The following HROB variants were observed in gnomAD, a reference collection of about 807,000 sequenced individuals.
The protein encoded by HROB is homologous recombination factor with OB-fold.
Under a neutral mutation model 61.0 loss-of-function variants are expected in HROB, and 44 were observed. The ratio of observed to expected loss-of-function variants is 0.72; its 90% CI spans 0.57 to 0.93. The LOEUF (loss-of-function observed/expected upper bound fraction) is 0.93. Ranked by LOEUF, HROB falls within the 40% of genes least tolerant of loss-of-function variation. The pLI is 0.00. For missense variants in HROB, 716 were observed against 796.2 expected (o/e 0.90, Z 1.21); for synonymous variants, 301 against 310.4 (o/e 0.97, Z 0.32).
chr17:44,150,718 C>T (rs1598095235), intron 3 of HROB, among the ~76,000 whole-genome samples: 2 of 152,308 alleles, frequency 1.3e-5, no homozygotes, highest in South Asian at 2.1e-4. Context: ...TCACTGCCCC[C>T]TTCAGGCAGC....
chr17:44,154,969 C>T (rs1598103410), intron 7 of HROB, 31 bp downstream of exon 7: 1 of 1,602,500 alleles, frequency 6.2e-7, no homozygotes, highest in Non-Finnish European at 8.5e-7. Context: ...CACCACTGCC[C>T]CCCGGATAGA....
At chr17:44,147,489 T>C (rs1266718709) in intron 2 of HROB, among the ~76,000 whole-genome samples, 10 of 146,486 alleles carry the variant, frequency 6.8e-5, no homozygotes, top group Non-Finnish European at 1.2e-4. Flanking sequence ...CAGGCTGGAG[T>C]ACAGTGGCAC....
rs2053706638 is a variant in HROB at position 44,148,863 on chromosome 17, G to T, written c.1060G>T (p.Gly354Cys). The change falls in exon 3 of 10, where the codon GGT (glycine) becomes TGT (cysteine). Residue 354 changes from glycine (G) to cysteine (C), a missense_variant. Coordinates refer to ENST00000585683, the MANE Select transcript of HROB (RefSeq NM_001171251.3). The part of the protein sequence containing the change: ...APVSSIGSPV[G>C]TPKGPQGALQ... ...AGTGTCTTCCATTGGGTCTCCTGTT[G>T]GTACCCCAAAAGGTCCCCAGGGAGC... 4 of 1,614,012 alleles carry T rather than the reference G, an allele frequency of 2.5e-6. No homozygotes were observed. The highest frequency in any genetic ancestry group is 3.4e-6 in the Non-Finnish European group (4 of 1,180,036).
At chr17:44,144,401 A>G (rs2053551402) in intron 1 of HROB, among the ~76,000 whole-genome samples, 1 of 151,984 alleles carries the variant, frequency 6.6e-6, no homozygotes, top group East Asian at 1.9e-4. Flanking sequence ...TCAACCTCCC[A>G]AAGTTCTGAG....
Position 44,141,996 on chromosome 17 carries a change from C to T in HROB, c.-147C>T. On this transcript the variant is annotated 5_prime_UTR_variant, in exon 1 of 10. Coordinates refer to ENST00000585683, the MANE Select transcript of HROB (RefSeq NM_001171251.3). ...AGTCTCCTGGCGACTTTCCCTATATCGCAGAGACTCATCCCTCTGACCCCA... is the reference window on the plus strand; with the variant it reads ...AGTCTCCTGGCGACTTTCCCTATATTGCAGAGACTCATCCCTCTGACCCCA... 3 of 1,157,158 alleles carry T rather than the reference C, an allele frequency of 2.6e-6. No homozygotes were observed. Among genetic ancestry groups the T allele is most frequent in the South Asian group, 2.9e-5 (2 of 69,094 alleles). The allele number at this position is 1,157,158 out of a possible 1,614,324, so 71.7% of individuals were successfully genotyped here. A position where few individuals can be genotyped will look rare whatever the true frequency, so the allele number is the denominator to read the frequency against.
At chr17:44,150,829 T>C in intron 3 of HROB, 132 bp from the exon 4 acceptor site, 2 of 727,942 alleles carry the variant, frequency 2.7e-6, no homozygotes, top group African/African-American at 1.8e-5. Flanking sequence ...GAGACTTTGT[T>C]AGGAGAGATG....
chr17:44,160,857 C>A (rs952155580), intron 9 of HROB, among the ~76,000 whole-genome samples: 2 of 152,144 alleles, frequency 1.3e-5, no homozygotes, highest in African/African-American at 4.8e-5. Flanking sequence ...TGAGACAAGC[C>A]AAGGCATCAC....
chr17:44,161,202 C>CAA (rs35777921), intron 9 of HROB, among the ~76,000 whole-genome samples: 5,266 of 125,268 alleles, frequency 0.042, 129 homozygotes, highest in East Asian at 0.071. Context: ...GACTCTGTCT[C>CAA]AAAAAAAAAA....
At chr17:44,154,358 A>AG in intron 5 of HROB, 198 bp from the exon 6 acceptor site, 1 of 560,432 alleles carries the variant, frequency 1.8e-6, no homozygotes, top group Non-Finnish European at 3.2e-6. Flanking sequence ...GAACGGAGGC[A>AG]GGGGAGAGAA....
At position 44,155,520 on chromosome 17, in the gene HROB, G is replaced by A. The variant is rs1378079254; in HGVS notation, c.1770+109G>A. ...GGGAGCAGAGGTCTGAAGGGGGCAG[G>A]TGCTCTGAGGTGAAAAGGTATCTTT... On this transcript the variant is annotated intron_variant, in intron 8 of 9. Transcript: ENST00000585683. The A allele has an allele frequency of 1.1e-5, 16 of 1,464,408 alleles. No homozygotes were observed. The South Asian group carries it at 1.9e-4, about 17-fold the overall frequency. 90.7% of individuals were successfully genotyped at this position (1,464,408 alleles called of 1,614,324 possible). A position where few individuals can be genotyped will look rare whatever the true frequency, so the allele number is the denominator to read the frequency against.
chr17:44,157,378 C>A lies in HROB; in HGVS notation c.1771-455C>A, dbSNP rs567389979. On this transcript the variant is annotated intron_variant, in intron 8 of 9. Coordinates refer to ENST00000585683, the MANE Select transcript of HROB (RefSeq NM_001171251.3). ...CTTCAGCATGGGCCTGGGTGGCTGGCCTCTGCCATACTCTTCCATCATGTT... is the reference window on the plus strand; with the variant it reads ...CTTCAGCATGGGCCTGGGTGGCTGGACTCTGCCATACTCTTCCATCATGTT... Among the ~76,000 whole-genome samples, 218 of 150,840 alleles carry A rather than the reference C, an allele frequency of 1.4e-3. 4 individuals are homozygous for A. The highest frequency in any genetic ancestry group is 5.1e-3 in the African/African-American group (209 of 41,140).
chr17:44,144,858 G>C (rs1267481775), intron 1 of HROB, among the ~76,000 whole-genome samples: 2 of 151,580 alleles, frequency 1.3e-5, no homozygotes, highest in African/African-American at 4.9e-5. Context: ...TGGGATTACA[G>C]GCATGAGCCA....
intron 5 of HROB, among the ~76,000 whole-genome samples, chr17:44,153,755 C>G (rs2053886033): frequency 6.6e-6 from 1 of 151,780 alleles, no homozygotes; most frequent in East Asian, 1.9e-4. Context: ...AAGAAAAAAA[C>G]AAAAACCAAA....
chr17:44,154,154 C>G (rs977044789), intron 5 of HROB, among the ~76,000 whole-genome samples: 11 of 151,988 alleles, frequency 7.2e-5, no homozygotes, highest in Admixed American at 4.6e-4. Flanking sequence ...CAAGCCTGGC[C>G]AACATGGTGA....
intron 8 of HROB, among the ~76,000 whole-genome samples, chr17:44,156,338 C>T (rs2053968294): frequency 6.6e-6 from 1 of 151,630 alleles, no homozygotes; most frequent in Non-Finnish European, 1.5e-5. Flanking sequence ...CAGATTCAAG[C>T]GATTCTCCCA....
Position 44,145,209 on chromosome 17 carries a change from A to G in HROB, c.10A>G (p.Ser4Gly), listed in dbSNP as rs2053577448. The G allele has an allele frequency of 6.2e-6, 10 of 1,613,886 alleles. No individual in the cohort carries two copies. The highest frequency in any genetic ancestry group is 8.5e-6 in the Non-Finnish European group (10 of 1,179,808). Residue 4 changes from serine to glycine, a missense_variant, in exon 2 of 10, where the codon AGT becomes GGT. By Grantham distance (56) the Ser-to-Gly change is moderately conservative. Coordinates refer to ENST00000585683, the MANE Select transcript of HROB (RefSeq NM_001171251.3). MAC[S>G]LQKLFAVEEE... ...TGGTTTTTTTTCTTTTCAGGCGTGCAGTTTGCAGAAGCTGTTTGCTGTGGA... is the reference window on the plus strand; with the variant it reads ...TGGTTTTTTTTCTTTTCAGGCGTGCGGTTTGCAGAAGCTGTTTGCTGTGGA...
chr17:44,150,716 C>G (rs2053775952), intron 3 of HROB, among the ~76,000 whole-genome samples: 1 of 152,288 alleles, frequency 6.6e-6, no homozygotes, highest in South Asian at 2.1e-4. Flanking sequence ...GGTCACTGCC[C>G]CCTTCAGGCA....
At chr17:44,149,137 G>A (rs772243268) in intron 3 of HROB, 110 bp downstream of exon 3, 2 of 1,139,480 alleles carry the variant, frequency 1.8e-6, no homozygotes, top group Admixed American at 2.8e-5. Context: ...GGAAGGAAGT[G>A]CAGAGAGGCT....
At chr17:44,144,017 G>A (rs564493131) in intron 1 of HROB, among the ~76,000 whole-genome samples, 11 of 150,550 alleles carry the variant, frequency 7.3e-5, no homozygotes, top group African/African-American at 2.0e-4. Flanking sequence ...TTGCTCTGTC[G>A]CCCAGGCTGG....
Sources: allele counts gnomAD v4.1 joint callset (sites outside exome capture counted in the v4.1 genomes callset), GRCh38; gene constraint gnomAD v4.1.1; transcripts MANE v1.5; gene names NCBI Gene and HGNC (gene_info 2026-07-23, HGNC 2026-07-21).